NCOA2: variants seen among roughly 807,000 people sequenced by gnomAD.
NCOA2 encodes class E basic helix-loop-helix protein 75.
In NCOA2, 21 loss-of-function variants were observed where a neutral mutation model predicts 145.1. The ratio of observed to expected loss-of-function variants is 0.14; its 90% CI spans 0.10 to 0.21. NCOA2 has a LOEUF of 0.21. Ranked by LOEUF, NCOA2 falls within the 10% of genes least tolerant of loss-of-function variation. NCOA2 has a pLI of 1.00. For missense variants in NCOA2, 1,472 were observed against 1,837.6 expected (o/e 0.80, Z 3.64); for synonymous variants, 619 against 637.5 (o/e 0.97, Z 0.44).
At chr8:70,372,793 C>T (rs1811336586) in intron 1 of NCOA2, among the ~76,000 whole-genome samples, 1 of 152,140 alleles carries the variant, frequency 6.6e-6, no homozygotes. Flanking sequence ...CACCACATCC[C>T]AAGCAACCAT....
At position 70,190,372 on chromosome 8, in the gene NCOA2, A is replaced by T. The variant is rs1456017668; in HGVS notation, c.260-15513T>A. On this transcript the variant is annotated intron_variant, in intron 4 of 22. Coordinates refer to ENST00000452400, the MANE Select transcript of NCOA2 (RefSeq NM_006540.4). ...ATCTGTCCTTTCTAAAGAAACTATG[A>T]GTCACTAAGTCAGGAATGGAACTAA... 7.2e-5 allele frequency among the ~76,000 whole-genome samples: 11 copies of T among 152,228 alleles called. 1 individual carries two copies. Among genetic ancestry groups the T allele is most frequent in the Non-Finnish European group, 1.6e-4 (11 of 68,038 alleles).
In NCOA2 at chr8:70,141,258, G is replaced by A; in HGVS notation, c.2954C>T (p.Ala985Val). ...GCTGGGCCTCATGGGGATGCTGGCTGCTGGGTTCCGAATCATACCTCCTTG... is the reference window on the plus strand; with the variant it reads ...GCTGGGCCTCATGGGGATGCTGGCTACTGGGTTCCGAATCATACCTCCTTG... ...PVQGGMIRNP[A>V]ASIPMRPSSQ... Residue 985 changes from alanine (A) to valine (V), a missense_variant, in exon 14 of 23, where the codon GCA becomes GTA. Transcript: ENST00000452400. 5 of 1,613,916 alleles carry A rather than the reference G, an allele frequency of 3.1e-6. No homozygotes were observed. Among genetic ancestry groups the A allele is most frequent in the Non-Finnish European group, 4.2e-6 (5 of 1,179,866 alleles).
chr8:70,328,247 T>C (rs1806771743), intron 1 of NCOA2, among the ~76,000 whole-genome samples: 1 of 152,208 alleles, frequency 6.6e-6, no homozygotes. Context: ...AACCATCGAA[T>C]GAATACAATT....
At chr8:70,423,773 G>C in the NCOA2 span, among the ~76,000 whole-genome samples, 1 of 152,088 alleles carries the variant, frequency 6.6e-6, no homozygotes, top group Non-Finnish European at 1.5e-5. Context: ...CAAAAGTGGG[G>C]TACCAGGGTA....
chr8:70,207,740 G>A (rs1352608782), intron 4 of NCOA2, among the ~76,000 whole-genome samples: 1 of 151,684 alleles, frequency 6.6e-6, no homozygotes, highest in Admixed American at 6.6e-5. Context: ...GGTGGGCACT[G>A]TAATCCCAGC....
intron 1 of NCOA2, among the ~76,000 whole-genome samples, chr8:70,331,605 T>A (rs1336749450): frequency 6.6e-6 from 1 of 152,132 alleles, no homozygotes; most frequent in South Asian, 2.1e-4. Context: ...GATGTTATTT[T>A]AGATCTACAT....
At chr8:70,124,167 G>A (rs187902842) in intron 20 of NCOA2, 85 bp from the exon 21 acceptor site, 46 of 1,298,074 alleles carry the variant, frequency 3.5e-5, no homozygotes, top group Middle Eastern at 4.1e-4. Context: ...TTTCTCAGGC[G>A]TTTACTCTGA....
chr8:70,304,008 A>G (rs886774174), intron 1 of NCOA2, among the ~76,000 whole-genome samples: 11 of 149,720 alleles, frequency 7.3e-5, no homozygotes, highest in Non-Finnish European at 1.5e-4. Context: ...CCCCTCAGAA[A>G]TTCATCTTCT....
chr8:70,448,737 A>G, the NCOA2 span, among the ~76,000 whole-genome samples: 5,872 of 152,176 alleles, frequency 0.039, 356 homozygotes, highest in African/African-American at 0.13. Flanking sequence ...TGCACAGAAA[A>G]GAATATACTT....
chr8:70,166,402 C>A (rs577116429), intron 7 of NCOA2, among the ~76,000 whole-genome samples, 164 bp downstream of exon 7: 2 of 152,204 alleles, frequency 1.3e-5, no homozygotes, highest in Non-Finnish European at 2.9e-5. Context: ...TTGGACAGTG[C>A]TGTTCTGAAG....
In NCOA2 at chr8:70,111,251, AAG is replaced by A. The variant is rs1330012364; in HGVS notation, c.*2379_*2380del. 1 of 226,716 alleles carries A rather than the reference AAG, an allele frequency of 4.4e-6. No individual in the cohort carries two copies. Among genetic ancestry groups the A allele is most frequent in the Non-Finnish European group, 8.8e-6 (1 of 114,060 alleles). The allele number at this position is 226,716 out of a possible 1,614,324, so 14.0% of individuals were successfully genotyped here. Reference sequence around the variant, plus strand: ...TACAGCGGGCAGATGGATAAAAAAGAAGAGATAGGTAGATAGTTTTGGACGGT... The same window carrying A: ...TACAGCGGGCAGATGGATAAAAAAGAAGATAGGTAGATAGTTTTGGACGGT... On this transcript the variant is annotated 3_prime_UTR_variant, in exon 23 of 23. Coordinates refer to ENST00000452400, the MANE Select transcript of NCOA2 (RefSeq NM_006540.4).
At chr8:70,431,659 A>G in the NCOA2 span, among the ~76,000 whole-genome samples, 2 of 152,236 alleles carry the variant, frequency 1.3e-5, no homozygotes, top group Non-Finnish European at 2.9e-5. Context: ...TTTGGGCTAT[A>G]TGCATTTCAA....
intron 22 of NCOA2, among the ~76,000 whole-genome samples, chr8:70,113,891 C>T (rs1307112761): frequency 3.9e-5 from 6 of 152,144 alleles, no homozygotes; most frequent in Non-Finnish European, 2.9e-5. Context: ...CGCAGGCCAT[C>T]GTCTGCAAAT....
intron 2 of NCOA2, among the ~76,000 whole-genome samples, chr8:70,248,914 C>T (rs1822853726): frequency 6.6e-6 from 1 of 151,588 alleles, no homozygotes; most frequent in African/African-American, 2.4e-5. Flanking sequence ...ATGAATATAC[C>T]ACAGTTTATC....
chr8:70,134,804 G>C (rs1290665245), intron 15 of NCOA2, among the ~76,000 whole-genome samples: 3 of 152,160 alleles, frequency 2.0e-5, no homozygotes, highest in Admixed American at 1.3e-4. Context: ...TAAATGCAGA[G>C]ATTAAAAAGT....
At chr8:70,269,200 C>G (rs568432050) in intron 2 of NCOA2, among the ~76,000 whole-genome samples, 8 of 152,264 alleles carry the variant, frequency 5.3e-5, no homozygotes, top group Non-Finnish European at 8.8e-5. Context: ...GTTGGTTCAG[C>G]CTTTGACAAT....
At position 70,159,656 on chromosome 8, in the gene NCOA2, C is replaced by A; in HGVS notation, c.977-4G>T. On this transcript the variant is annotated splice_region_variant and splice_polypyrimidine_tract_variant and intron_variant, in intron 9 of 22. Coordinates refer to ENST00000452400, the MANE Select transcript of NCOA2 (RefSeq NM_006540.4). ...AATGCCAATCCTTGTCTCAGTACTG[C>A]AGGCAAGCAAGGAAACAGAAGGCAC... 2 of 1,604,342 alleles carry A rather than the reference C, an allele frequency of 1.2e-6. No homozygotes were observed. Among genetic ancestry groups the A allele is most frequent in the Non-Finnish European group, 8.5e-7 (1 of 1,172,720 alleles).
At chr8:70,134,450 T>C (rs1172923380) in intron 15 of NCOA2, among the ~76,000 whole-genome samples, 1 of 152,254 alleles carries the variant, frequency 6.6e-6, no homozygotes, top group African/African-American at 2.4e-5. Flanking sequence ...AAGGATTTTC[T>C]TTACCTAGAT....
chr8:70,317,542 C>A (rs1805698581), intron 1 of NCOA2, among the ~76,000 whole-genome samples: 1 of 152,164 alleles, frequency 6.6e-6, no homozygotes, highest in Admixed American at 6.6e-5. Context: ...CTAAGTACTC[C>A]ACCTTCTGGA....
Sources: allele counts gnomAD v4.1 joint callset (sites outside exome capture counted in the v4.1 genomes callset), GRCh38; gene constraint gnomAD v4.1.1; transcripts MANE v1.5; gene names NCBI Gene and HGNC (gene_info 2026-07-23, HGNC 2026-07-21).